The following EXOC4 variants were observed in gnomAD, a reference collection of about 807,000 sequenced individuals.
EXOC4 encodes the protein SEC8-like 1.
EXOC4 carries 71 observed loss-of-function variants against 107.2 expected under a neutral mutation model. The ratio of observed to expected loss-of-function variants is 0.66; its 90% CI spans 0.55 to 0.81. EXOC4 has a LOEUF of 0.81. Among genes scored for constraint, EXOC4 ranks in the 30% least tolerant of loss-of-function variants. EXOC4 has a pLI of 0.00. For synonymous variants in EXOC4, 456 were observed against 441.2 expected (o/e 1.03, Z -0.42); for missense variants, 1,108 against 1,189.6 (o/e 0.93, Z 1.01).
intron 9 of EXOC4, among the ~76,000 whole-genome samples, chr7:133,535,074 A>G (rs921044320): frequency 1.3e-5 from 2 of 152,118 alleles, no homozygotes; most frequent in African/African-American, 2.4e-5. Context: ...CACGTGGAAG[A>G]ACCGTATTTT....
At chr7:133,632,339 A>G (rs549947002) in intron 10 of EXOC4, among the ~76,000 whole-genome samples, 4 of 152,284 alleles carry the variant, frequency 2.6e-5, no homozygotes, top group Admixed American at 2.0e-4. Context: ...GTAGTTTATC[A>G]TTCATTCTTT....
chr7:133,302,342 C>T (rs1001794574), intron 3 of EXOC4, among the ~76,000 whole-genome samples: 1 of 152,122 alleles, frequency 6.6e-6, no homozygotes, highest in Non-Finnish European at 1.5e-5. Context: ...ACTGTGTTGA[C>T]TAGAACATTA....
At chr7:133,619,765 A>G (rs192991610) in intron 9 of EXOC4, among the ~76,000 whole-genome samples, 377 of 152,346 alleles carry the variant, frequency 2.5e-3, no homozygotes, top group Non-Finnish European at 2.7e-3. Flanking sequence ...ATAGACACTT[A>G]GTACAAAGAA....
At chr7:133,907,219 T>TGTAG (rs1188619936) in intron 12 of EXOC4, among the ~76,000 whole-genome samples, 13 of 152,168 alleles carry the variant, frequency 8.5e-5, no homozygotes, top group African/African-American at 3.1e-4. Context: ...ATATACACAA[T>TGTAG]ATCTGTTTCA....
At chr7:133,483,463 G>A (rs557120180) in intron 9 of EXOC4, among the ~76,000 whole-genome samples, 1 of 152,318 alleles carries the variant, frequency 6.6e-6, no homozygotes, top group African/African-American at 2.4e-5. Context: ...TTTACTCTGT[G>A]AGGATGGTTA....
At chr7:133,636,012 A>C (rs949194606) in intron 10 of EXOC4, among the ~76,000 whole-genome samples, 2 of 152,166 alleles carry the variant, frequency 1.3e-5, no homozygotes, top group African/African-American at 4.8e-5. Context: ...ACTGGAAAGG[A>C]GTTTTGTGCA....
chr7:134,043,959 C>G (rs577947731), intron 17 of EXOC4, among the ~76,000 whole-genome samples: 4 of 152,286 alleles, frequency 2.6e-5, no homozygotes, highest in South Asian at 2.1e-4. Context: ...TTAAAATAAC[C>G]TTGGTTTGTA....
intron 9 of EXOC4, among the ~76,000 whole-genome samples, chr7:133,561,167 CATGAACTCTTCTCCATGCAGGTA>C (rs1800797500): frequency 6.6e-6 from 1 of 152,178 alleles, no homozygotes; most frequent in Non-Finnish European, 1.5e-5. Context: ...TGCCTGGTCA[CATGAACTCTTCTCCATGCAGGTA>C]AGGTTGACAA....
intron 11 of EXOC4, among the ~76,000 whole-genome samples, chr7:133,831,496 C>G (rs1314438140): frequency 6.6e-6 from 1 of 151,380 alleles, no homozygotes; most frequent in Non-Finnish European, 1.5e-5. Context: ...TGAAATCGTT[C>G]TAGCTTTGGA....
intron 9 of EXOC4, among the ~76,000 whole-genome samples, chr7:133,519,042 A>C (rs1483625744): frequency 6.6e-6 from 1 of 152,174 alleles, no homozygotes; most frequent in African/African-American, 2.4e-5. Context: ...CAACAGTGAA[A>C]AATTGGCAAC....
chr7:133,452,042 C>T (rs1436710941), intron 7 of EXOC4, among the ~76,000 whole-genome samples: 6 of 152,160 alleles, frequency 3.9e-5, no homozygotes, highest in African/African-American at 1.4e-4. Flanking sequence ...TTAGTGTTAC[C>T]TTTTATTGCC....
intron 9 of EXOC4, among the ~76,000 whole-genome samples, chr7:133,488,711 G>A (rs1238756892): frequency 6.6e-6 from 1 of 152,034 alleles, no homozygotes; most frequent in African/African-American, 2.4e-5. Flanking sequence ...CATTGTTTTA[G>A]TAGCAAAAAC....
Position 133,482,394 on chromosome 7 carries a change from C to T in EXOC4, c.1417+2256C>T, listed in dbSNP as rs1799177940. 2.6e-5 allele frequency among the ~76,000 whole-genome samples: 4 copies of T among 152,106 alleles called. 1 individual carries two copies. The South Asian group carries it at 8.3e-4, about 32-fold the overall frequency. On this transcript the variant is annotated intron_variant, in intron 9 of 17. Coordinates refer to ENST00000253861, the MANE Select transcript of EXOC4 (RefSeq NM_021807.4). ...CATAGGGACCGAGGACCTCTCATCG[C>T]TCACTCACACTCAAGCATAAATAGT...
chr7:133,879,518 T>A (rs1381675826), intron 11 of EXOC4, among the ~76,000 whole-genome samples: 1 of 152,214 alleles, frequency 6.6e-6, no homozygotes, highest in Non-Finnish European at 1.5e-5. Context: ...AATGCATAAT[T>A]TTTTATTTAC....
intron 5 of EXOC4, among the ~76,000 whole-genome samples, chr7:133,343,855 C>G (rs1255397432): frequency 6.7e-6 from 1 of 149,912 alleles, no homozygotes; most frequent in Non-Finnish European, 1.5e-5. Flanking sequence ...TTTTGGTTAT[C>G]CAGGCTGGAG....
chr7:134,073,792 TC>T, the EXOC4 span, among the ~76,000 whole-genome samples: 2 of 152,118 alleles, frequency 1.3e-5, no homozygotes, highest in African/African-American at 4.8e-5. Context: ...GTGAGAGGCT[TC>T]CCCTCCTTCA....
At chr7:134,071,823 C>T in the EXOC4 span, among the ~76,000 whole-genome samples, 1 of 152,168 alleles carries the variant, frequency 6.6e-6, no homozygotes, top group Non-Finnish European at 1.5e-5. Context: ...CAGAACCCCC[C>T]TCTGTGCTAT....
intron 10 of EXOC4, among the ~76,000 whole-genome samples, chr7:133,782,205 A>G (rs1796482591): frequency 1.3e-5 from 2 of 150,562 alleles, no homozygotes; most frequent in African/African-American, 5.0e-5. Context: ...AAAGTGCTAC[A>G]TTAGGAAATG....
intron 9 of EXOC4, among the ~76,000 whole-genome samples, chr7:133,547,404 G>A (rs148064503): frequency 6.6e-6 from 1 of 152,154 alleles, no homozygotes; most frequent in Admixed American, 6.5e-5. Context: ...TGATCGGGAT[G>A]GTGGTTGTTG....
Sources: gnomAD v4.1 joint callset for allele counts (sites outside exome capture counted in the v4.1 genomes callset) on GRCh38, gnomAD v4.1.1 for gene constraint, MANE v1.5 for transcripts, NCBI Gene and HGNC (gene_info 2026-07-23, HGNC 2026-07-21) for gene names.